Variants in NAV1 observed in about 807,000 individuals in gnomAD.
NAV1 encodes the protein pore membrane and/or filament interacting like protein 3.
Under a neutral mutation model 175.2 loss-of-function variants are expected in NAV1, and 18 were observed. The ratio of observed to expected loss-of-function variants is 0.10; its 90% CI spans 0.07 to 0.15. NAV1 has a LOEUF of 0.15. Ranked by LOEUF, NAV1 falls within the 10% of genes least tolerant of loss-of-function variation. NAV1 has a pLI of 1.00. For synonymous variants in NAV1, 897 were observed against 978.7 expected, an observed-to-expected ratio of 0.92 and a Z score of 1.56; for missense variants, 1,731 against 2,436.6, an observed-to-expected ratio of 0.71 and a Z score of 6.10.
chr1:201,603,183 A>G (rs1667573087), intron 2 of NAV1, among the ~76,000 whole-genome samples: 1 of 152,214 alleles, frequency 6.6e-6, no homozygotes, highest in African/African-American at 2.4e-5. Context: ...GGTTTAGGCT[A>G]GACATCAAAA....
At chr1:201,803,496 G>A (rs188244358) in intron 15 of NAV1, 97 bp from the exon 20 acceptor site, 912 of 1,346,388 alleles carry the variant, frequency 6.8e-4, no homozygotes, top group Non-Finnish European at 8.1e-4. Flanking sequence ...GAGTTGGTTG[G>A]TTCTCCTTTC....
At chr1:201,604,728 A>AAGGAAAGAAAG (rs1171745685) in intron 2 of NAV1, among the ~76,000 whole-genome samples, 25 of 144,940 alleles carry the variant, frequency 1.7e-4, no homozygotes, top group African/African-American at 6.2e-4. Flanking sequence ...AAGAAAGAGA[A>AAGGAAAGAAAG]AGAAAGAAAG....
chr1:201,767,044 C>T (rs1055781114), intron 3 of NAV1, among the ~76,000 whole-genome samples: 11 of 151,828 alleles, frequency 7.2e-5, no homozygotes, highest in South Asian at 2.1e-4. Context: ...ATGGTCTCAT[C>T]TCCTGACCTT....
chr1:201,674,963 C>A (rs1736448), intron 1 of NAV1, among the ~76,000 whole-genome samples: 4 of 151,034 alleles, frequency 2.6e-5, no homozygotes, highest in African/African-American at 9.8e-5. Flanking sequence ...TTGCCCGAAC[C>A]TGGGAGGTTG....
intron 1 of NAV1, among the ~76,000 whole-genome samples, chr1:201,654,012 A>G (rs965647460): frequency 2.6e-5 from 4 of 152,202 alleles, no homozygotes; most frequent in Non-Finnish European, 4.4e-5. Flanking sequence ...TCCTTTGGGC[A>G]TTGCCTTGTT....
chr1:201,677,217 C>T (rs1470430178), intron 1 of NAV1, among the ~76,000 whole-genome samples: 1 of 147,748 alleles, frequency 6.8e-6, no homozygotes, highest in Non-Finnish European at 1.5e-5. Flanking sequence ...TGCCACTGCA[C>T]TCCAGCCTGG....
chr1:201,620,709 T>C (rs1668139266), upstream of NAV1, among the ~76,000 whole-genome samples: 1 of 152,108 alleles, frequency 6.6e-6, no homozygotes, highest in African/African-American at 2.4e-5. Context: ...CCTCAGTTGA[T>C]CCGCCTGCCT....
upstream of NAV1, among the ~76,000 whole-genome samples, chr1:201,619,422 A>T (rs1212333818): frequency 6.6e-6 from 1 of 152,204 alleles, no homozygotes; most frequent in Admixed American, 6.5e-5. Context: ...AGGAGAGATG[A>T]AGGTAGAGTC....
Position 201,694,506 on chromosome 1 carries a change from G to T in NAV1, c.758-18311G>T, listed in dbSNP as rs551228702. 2.7e-3 allele frequency among the ~76,000 whole-genome samples: 414 copies of T among 152,284 alleles called. 1 individual carries two copies. Among genetic ancestry groups the T allele is most frequent in the African/African-American group, 6.9e-3 (288 of 41,558 alleles). ...GCTTCTTGCCCTGAGTTAGGCTGGGGATCATTTGCAGGGAGAATGCAGCCA... is the reference window on the plus strand; with the variant it reads ...GCTTCTTGCCCTGAGTTAGGCTGGGTATCATTTGCAGGGAGAATGCAGCCA... On this transcript the variant is annotated intron_variant, in intron 1 of 29. Coordinates refer to ENST00000367296, the Ensembl canonical transcript of NAV1. This position sits in a 1 kb window ranked among gnomAD's most constrained non-coding sequence, Gnocchi z 4.2.
chr1:201,651,571 CAG>C lies in NAV1; in HGVS notation c.757+2149_757+2150del, dbSNP rs371557561. 5.4e-4 allele frequency among the ~76,000 whole-genome samples: 82 copies of C among 152,292 alleles called. No homozygotes were observed. The South Asian group carries it at 0.017, about 31-fold the overall frequency. ...CCTCCACTTCCCAGTTGGGGAAATG[CAG>C]AGTCAAAAGCATTGAGGGCCTTAAA... On this transcript the variant is annotated intron_variant, in intron 1 of 29. Coordinates refer to ENST00000367296, the Ensembl canonical transcript of NAV1.
intron 1 of NAV1, among the ~76,000 whole-genome samples, chr1:201,701,025 A>AAAAAAAAG: frequency 6.7e-6 from 1 of 150,278 alleles, no homozygotes; most frequent in African/African-American, 2.4e-5. Flanking sequence ...AAAAAAAAAA[A>AAAAAAAAG]AAAAAAAGAA....
In NAV1 at chr1:201,565,995, A is replaced by C. The variant is rs1025626132; in HGVS notation, c.-143-22544A>C. ...AATGCAGCCACCCTCTTCCATGTCA[A>C]GGCTGGCGCTGGTCCTTTCTTTCAG... On this transcript the variant is annotated intron_variant, in intron 1 of 33. Coordinates refer to the NAV1 transcript ENST00000685211. Among the ~76,000 whole-genome samples, 18 of 152,254 alleles carry C rather than the reference A, an allele frequency of 1.2e-4. No homozygotes were observed. In the South Asian group the frequency reaches 3.7e-3, roughly 32 times the overall value.
At chr1:201,734,499 G>GAGAAAAGAAGAAGAAGAAGAAGAAGA (rs1673018243) in intron 3 of NAV1, among the ~76,000 whole-genome samples, 1 of 121,060 alleles carries the variant, frequency 8.3e-6, no homozygotes, top group African/African-American at 2.9e-5. Flanking sequence ...GAAGGAGAAG[G>GAGAAAAGAAGAAGAAGAAGAAGAAGA]AGAAGAAGAA....
exon 1 of NAV1, chr1:201,648,340 T>G: frequency 1.6e-5 from 18 of 1,143,598 alleles, no homozygotes; most frequent in Admixed American, 4.8e-5. Context: ...GGGGCTTCCA[T>G]CCTTCCTTTG....
chr1:201,674,351 T>C lies in NAV1; in HGVS notation c.757+24926T>C, dbSNP rs538917681. Among the ~76,000 whole-genome samples the C allele has an allele frequency of 2.0e-3, 300 of 152,162 alleles. 1 individual carries two copies. The highest frequency in any genetic ancestry group is 3.2e-3 in the Non-Finnish European group (221 of 68,008). On this transcript the variant is annotated intron_variant, in intron 1 of 29. Coordinates refer to ENST00000367296, the Ensembl canonical transcript of NAV1. ...AGTGCCGCACTACCCATGATTCTGT[T>C]CTGTGCCCTTCTTGGGTTCCTCCTG...
chr1:201,691,174 C>T (rs1021710364), intron 1 of NAV1, among the ~76,000 whole-genome samples: 4 of 152,210 alleles, frequency 2.6e-5, no homozygotes, highest in African/African-American at 9.6e-5. Context: ...CATCCCTGCC[C>T]TCTACTCACT....
chr1:201,682,599 G>A (rs1239842738), intron 1 of NAV1, among the ~76,000 whole-genome samples: 2 of 152,138 alleles, frequency 1.3e-5, no homozygotes, highest in Non-Finnish European at 2.9e-5. Context: ...AACCAAATCT[G>A]TGCATAGTCA....
chr1:201,724,031 A>T (rs990977220), intron 3 of NAV1: 1 of 152,040 alleles, frequency 6.6e-6, no homozygotes, highest in African/African-American at 2.4e-5. Flanking sequence ...TGTCCTGGTC[A>T]CCCTCCTCTG....
exon 30 of NAV1, chr1:201,822,582 G>T (rs746368875): frequency 2.0e-5 from 3 of 152,526 alleles, no homozygotes; most frequent in Non-Finnish European, 4.4e-5. Context: ...ATTTTATTTG[G>T]ATCCTCAGCA....
Sources: allele counts gnomAD v4.1 joint callset (sites outside exome capture counted in the v4.1 genomes callset), GRCh38; gene constraint gnomAD v4.1.1; non-coding constraint Gnocchi (gnomAD v3.1); transcripts MANE v1.5; gene names NCBI Gene and HGNC (gene_info 2026-07-23, HGNC 2026-07-21).